KCNAB1: variants seen among roughly 807,000 people sequenced by gnomAD.
KCNAB1 encodes the protein potassium voltage-gated channel subfamily A regulatory beta subunit 1.
A neutral mutation model predicts 64.6 loss-of-function variants in KCNAB1; 35 were observed. The observed-to-expected ratio is 0.54, with a 90% CI of 0.41 to 0.72. KCNAB1 has a LOEUF of 0.72. KCNAB1 is among the 30% of genes least tolerant of loss of function. The pLI, the probability that KCNAB1 is intolerant of heterozygous loss-of-function variation, is 0.00. For missense variants in KCNAB1, 401 were observed against 512.9 expected (o/e 0.78, Z 2.11); for synonymous variants, 177 against 183.8 (o/e 0.96, Z 0.30).
chr3:156,383,463 A>G (rs944647926), intron 1 of KCNAB1, among the ~76,000 whole-genome samples: 1 of 152,118 alleles, frequency 6.6e-6, no homozygotes, highest in African/African-American at 2.4e-5. Context: ...ATCCACTCTT[A>G]GGATAAATAC....
At chr3:156,177,076 A>G (rs968158691) in intron 1 of KCNAB1, among the ~76,000 whole-genome samples, 1 of 152,130 alleles carries the variant, frequency 6.6e-6, no homozygotes, top group Middle Eastern at 3.2e-3. Context: ...CAGCTTTTTG[A>G]AGGCAATATG....
chr3:156,291,698 C>G (rs1487654379), intron 1 of KCNAB1: 29 of 1,419,888 alleles, frequency 2.0e-5, no homozygotes, highest in Admixed American at 2.9e-5. Context: ...TCTCTGGGTC[C>G]CCGGGGACTC....
intron 1 of KCNAB1, among the ~76,000 whole-genome samples, chr3:156,218,820 TA>T (rs1349664765): frequency 1.7e-4 from 22 of 130,140 alleles, no homozygotes; most frequent in East Asian, 2.2e-4. Context: ...TAAAATAAAA[TA>T]AAAATAAATA....
chr3:156,479,353 A>T (rs1194551447), intron 8 of KCNAB1, among the ~76,000 whole-genome samples: 1 of 152,158 alleles, frequency 6.6e-6, no homozygotes, highest in Non-Finnish European at 1.5e-5. Flanking sequence ...CAATAGAGTC[A>T]GTCTGGACAT....
chr3:156,237,492 T>C (rs899974989), intron 1 of KCNAB1, among the ~76,000 whole-genome samples: 1 of 152,164 alleles, frequency 6.6e-6, no homozygotes, highest in East Asian at 1.9e-4. Context: ...TTTTGGGGAA[T>C]AGCCCTCTTG....
At chr3:156,250,794 G>A (rs554756887) in intron 1 of KCNAB1, among the ~76,000 whole-genome samples, 3 of 152,276 alleles carry the variant, frequency 2.0e-5, no homozygotes, top group Admixed American at 6.5e-5. Context: ...AGTGACAAAG[G>A]TCATAGTCAG....
chr3:156,326,235 A>G (rs1326490513), intron 1 of KCNAB1, among the ~76,000 whole-genome samples: 3 of 152,052 alleles, frequency 2.0e-5, no homozygotes, highest in Non-Finnish European at 4.4e-5. Context: ...TTGACATGGC[A>G]TCTCTATACA....
chr3:156,221,459 C>A (rs1715727961), intron 1 of KCNAB1, among the ~76,000 whole-genome samples: 1 of 152,032 alleles, frequency 6.6e-6, no homozygotes, highest in Non-Finnish European at 1.5e-5. Flanking sequence ...TCTTTAGCCC[C>A]CTTCATCAAA....
rs557983221 is a variant in KCNAB1 at position 156,271,011 on chromosome 3, C to T, written c.275+150125C>T. On this transcript the variant is annotated intron_variant, in intron 1 of 13. Coordinates refer to ENST00000490337, the MANE Select transcript of KCNAB1 (RefSeq NM_172160.3). Reference sequence around the variant, plus strand: ...AACACTTTAAATGTGTCATGCCACTCTCTCTGAGCCTGTAAGGCTTCTACT... The same window carrying T: ...AACACTTTAAATGTGTCATGCCACTTTCTCTGAGCCTGTAAGGCTTCTACT... Among the ~76,000 whole-genome samples, 4 of 152,322 alleles carry T rather than the reference C, an allele frequency of 2.6e-5. No individual in the cohort carries two copies. In the East Asian group the frequency reaches 7.7e-4, roughly 29 times the overall value.
intron 1 of KCNAB1, among the ~76,000 whole-genome samples, chr3:156,123,840 AT>A (rs1308459434): frequency 1.4e-4 from 22 of 152,046 alleles, no homozygotes; most frequent in African/African-American, 4.8e-4. Context: ...TTTGAATAAA[AT>A]TTTTTTTCTG....
At chr3:156,479,673 T>C (rs1481638915) in intron 8 of KCNAB1, among the ~76,000 whole-genome samples, 2 of 152,206 alleles carry the variant, frequency 1.3e-5, no homozygotes, top group Non-Finnish European at 2.9e-5. Flanking sequence ...ATTTGAGTCC[T>C]TACTTTTCAT....
chr3:156,389,384 C>A (rs977023074), intron 1 of KCNAB1, among the ~76,000 whole-genome samples: 2 of 152,220 alleles, frequency 1.3e-5, no homozygotes, highest in African/African-American at 4.8e-5. Flanking sequence ...CTCACCCCAG[C>A]AAGAAGTCAA....
intron 3 of KCNAB1, among the ~76,000 whole-genome samples, chr3:156,455,729 C>T (rs1712360655): frequency 1.3e-5 from 2 of 152,158 alleles, no homozygotes; most frequent in South Asian, 4.1e-4. Context: ...TCCCAGTCTG[C>T]TTCCCAGCGA....
At chr3:156,313,542 G>A (rs929032812) in intron 1 of KCNAB1, among the ~76,000 whole-genome samples, 4 of 152,228 alleles carry the variant, frequency 2.6e-5, no homozygotes, top group African/African-American at 9.6e-5. Flanking sequence ...GATTGAGGAT[G>A]TCATGCTGCT....
At chr3:156,310,226 T>C (rs1721799456) in intron 1 of KCNAB1, among the ~76,000 whole-genome samples, 1 of 152,162 alleles carries the variant, frequency 6.6e-6, no homozygotes. Flanking sequence ...GAGAATCACT[T>C]ATAAAACTTG....
chr3:156,502,765 A>T (rs1003156398), intron 8 of KCNAB1, among the ~76,000 whole-genome samples: 44 of 152,380 alleles, frequency 2.9e-4, no homozygotes, highest in African/African-American at 1.1e-3. Context: ...ACATTGCCAA[A>T]GGAACCCCCA....
At chr3:156,292,291 G>C (rs1409340367) in intron 1 of KCNAB1, among the ~76,000 whole-genome samples, 10 of 152,140 alleles carry the variant, frequency 6.6e-5, no homozygotes, top group Admixed American at 1.3e-4. Flanking sequence ...AATAAACCCA[G>C]GGTGGTTGTG....
At chr3:156,180,754 A>G (rs747983451) in intron 1 of KCNAB1, among the ~76,000 whole-genome samples, 2 of 152,272 alleles carry the variant, frequency 1.3e-5, no homozygotes, top group Non-Finnish European at 2.9e-5. Context: ...CACCCAGGAG[A>G]GTAGATAGGC....
intron 7 of KCNAB1, among the ~76,000 whole-genome samples, chr3:156,470,558 G>T (rs1298908308): frequency 6.6e-6 from 1 of 152,184 alleles, no homozygotes; most frequent in Non-Finnish European, 1.5e-5. Flanking sequence ...TGAAGGAAAA[G>T]AAATAGTTTG....
Sources: gnomAD v4.1 joint callset for allele counts (sites outside exome capture counted in the v4.1 genomes callset) on GRCh38, gnomAD v4.1.1 for gene constraint, MANE v1.5 for transcripts, NCBI Gene and HGNC (gene_info 2026-07-23, HGNC 2026-07-21) for gene names.